Variants in ZDHHC15 observed in about 807,000 individuals in gnomAD.
The protein encoded by ZDHHC15 is palmitoyltransferase ZDHHC15.
ZDHHC15 carries 19 observed loss-of-function variants against 31.7 expected under a neutral mutation model. That is an observed-to-expected ratio of 0.60 (90% CI 0.42 to 0.88). The LOEUF is 0.88. Among genes scored for constraint, ZDHHC15 ranks in the 40% least tolerant of loss-of-function variants. The pLI is 0.00. For synonymous variants in ZDHHC15, 103 were observed against 90.0 expected (o/e 1.14, Z -0.82); for missense variants, 209 against 251.2 (o/e 0.83, Z 1.14).
intron 4 of ZDHHC15, among the ~76,000 whole-genome samples, chrX:75,445,324 G>A (rs1028376912): frequency 4.5e-5 from 5 of 111,509 alleles, no homozygotes; most frequent in African/African-American, 1.6e-4. Context: ...AATAAAAAGA[G>A]CACTGGTAAT....
chrX:75,421,643 G>C (rs76276434), intron 9 of ZDHHC15, among the ~76,000 whole-genome samples: 5 of 102,485 alleles, frequency 4.9e-5, no homozygotes, highest in Non-Finnish European at 7.8e-5. Flanking sequence ...AGTTATAAAA[G>C]ATTGGTAGTG....
intron 4 of ZDHHC15, among the ~76,000 whole-genome samples, chrX:75,441,011 A>G (rs953831390): frequency 2.7e-5 from 3 of 111,491 alleles, no homozygotes; most frequent in African/African-American, 9.8e-5. Context: ...AAGGCCAGTC[A>G]CACTCTCCCC....
At chrX:75,443,119 G>T (rs1296951710) in intron 4 of ZDHHC15, among the ~76,000 whole-genome samples, 1 of 110,308 alleles carries the variant, frequency 9.1e-6, no homozygotes, top group Non-Finnish European at 1.9e-5. Context: ...ATACTTTAAA[G>T]TTCATATGGA....
At chrX:75,387,125 A>C (rs1211054930) in intron 10 of ZDHHC15, among the ~76,000 whole-genome samples, 1 of 112,138 alleles carries the variant, frequency 8.9e-6, no homozygotes, top group Non-Finnish European at 1.9e-5. Flanking sequence ...AAAAGAAGAC[A>C]GTGACCTAGT....
chrX:75,404,902 A>G (rs2083394787), intron 10 of ZDHHC15, among the ~76,000 whole-genome samples: 1 of 112,016 alleles, frequency 8.9e-6, no homozygotes, highest in South Asian at 3.7e-4. Context: ...AATATAAAGC[A>G]TTCTGCCATA....
intron 7 of ZDHHC15, 149 bp from the exon 8 acceptor site, chrX:75,424,933 T>C: frequency 1.6e-6 from 1 of 643,018 alleles, no homozygotes; most frequent in Non-Finnish European, 2.2e-6. Flanking sequence ...AATATGGTTC[T>C]TTCTGTCAAT....
intron 10 of ZDHHC15, among the ~76,000 whole-genome samples, chrX:75,387,701 C>T (rs1320559093): frequency 1.8e-5 from 2 of 111,557 alleles, no homozygotes; most frequent in African/African-American, 6.5e-5. Flanking sequence ...TATTTGTGTA[C>T]AAGAGGGAGT....
At chrX:75,406,008 T>A (rs1430199217) in intron 10 of ZDHHC15, among the ~76,000 whole-genome samples, 1 of 112,100 alleles carries the variant, frequency 8.9e-6, no homozygotes, top group African/African-American at 3.2e-5. Context: ...TTAAAAAGTA[T>A]TTTTTCTGAC....
intron 6 of ZDHHC15, 82 bp downstream of exon 6, chrX:75,429,866 G>A (rs1451668651): frequency 1.0e-6 from 1 of 991,668 alleles, no homozygotes; most frequent in Non-Finnish European, 1.4e-6. Flanking sequence ...AAACAGGCAT[G>A]TGACAACTAT....
At chrX:75,399,296 G>A (rs1332780046) in intron 10 of ZDHHC15, among the ~76,000 whole-genome samples, 1 of 111,532 alleles carries the variant, frequency 9.0e-6, no homozygotes, top group African/African-American at 3.3e-5. Flanking sequence ...AAGCCTCTTA[G>A]CCACTGCCTC....
At chrX:75,470,511 T>G (rs2084487632) in intron 3 of ZDHHC15, among the ~76,000 whole-genome samples, 1 of 111,677 alleles carries the variant, frequency 9.0e-6, no homozygotes, top group Non-Finnish European at 1.9e-5. Flanking sequence ...AAGAAACATG[T>G]GGCCTTTTAC....
intron 3 of ZDHHC15, among the ~76,000 whole-genome samples, chrX:75,454,404 G>A (rs2147919662): frequency 8.9e-6 from 1 of 112,048 alleles, no homozygotes; most frequent in South Asian, 3.7e-4. Flanking sequence ...ACATTTGCAT[G>A]TGTCTTTATA....
intron 9 of ZDHHC15, among the ~76,000 whole-genome samples, chrX:75,419,032 G>T (rs1048286714): frequency 8.9e-6 from 1 of 111,813 alleles, no homozygotes; most frequent in Non-Finnish European, 1.9e-5. Flanking sequence ...CCTATAGAAT[G>T]GGAGAAAATT....
At chrX:75,389,378 G>T (rs781241657) in intron 10 of ZDHHC15, among the ~76,000 whole-genome samples, 17 of 110,293 alleles carry the variant, frequency 1.5e-4, no homozygotes, top group African/African-American at 4.9e-4. Context: ...ACCAGCCAGG[G>T]TGGTCAAGGG....
chrX:75,391,832 G>C (rs991295559), intron 10 of ZDHHC15, among the ~76,000 whole-genome samples: 1 of 111,874 alleles, frequency 8.9e-6, no homozygotes, highest in Non-Finnish European at 1.9e-5. Flanking sequence ...CTGTAGGTGT[G>C]ATATGTAAAC....
chrX:75,494,317 A>C (rs1282975215), intron 2 of ZDHHC15, among the ~76,000 whole-genome samples: 1 of 111,862 alleles, frequency 8.9e-6, no homozygotes, highest in East Asian at 2.8e-4. Flanking sequence ...TTCCATGCTC[A>C]TGGGTACGAA....
Position 75,514,803 on chromosome X carries a change from C to T in ZDHHC15, c.136+8086G>A, listed in dbSNP as rs143942670. 1.4e-3 allele frequency among the ~76,000 whole-genome samples: 153 copies of T among 110,795 alleles called. No individual in the cohort carries two copies. The East Asian group carries it at 0.02, about 15-fold the overall frequency. On this transcript the variant is annotated intron_variant, in intron 1 of 11. Coordinates refer to ENST00000373367, the MANE Select transcript of ZDHHC15 (RefSeq NM_144969.3). ...CTTGCTCACTGCTAGTACAGCAGTC[C>T]GAGATAGAATTGTGAGGCAGCAGCA...
intron 4 of ZDHHC15, among the ~76,000 whole-genome samples, chrX:75,444,940 A>T (rs1042162927): frequency 9.3e-6 from 1 of 107,884 alleles, no homozygotes; most frequent in Admixed American, 1.0e-4. Context: ...TGGAACTTAC[A>T]CTATTGGCTC....
intron 6 of ZDHHC15, 92 bp from the exon 7 acceptor site, chrX:75,429,290 T>C (rs1376535151): frequency 9.8e-7 from 1 of 1,018,692 alleles, no homozygotes; most frequent in Non-Finnish European, 1.3e-6. Flanking sequence ...ATAATGCTAG[T>C]TCTGCTGCTT....
Sources: gnomAD v4.1 joint callset for allele counts (sites outside exome capture counted in the v4.1 genomes callset) on GRCh38, gnomAD v4.1.1 for gene constraint, MANE v1.5 for transcripts, NCBI Gene and HGNC (gene_info 2026-07-23, HGNC 2026-07-21) for gene names.